SIK3: variants seen among roughly 807,000 people sequenced by gnomAD.
SIK3 encodes serine/threonine-protein kinase SIK3.
Under a neutral mutation model 144.2 loss-of-function variants are expected in SIK3, and 28 were observed. The ratio of observed to expected loss-of-function variants is 0.19; its 90% confidence interval spans 0.14 to 0.27. The LOEUF is 0.27. Among genes scored for constraint, SIK3 ranks in the 10% least tolerant of loss-of-function variants. The pLI, the probability that SIK3 is intolerant of heterozygous loss-of-function variation, is 1.00. For missense variants in SIK3, 1,319 were observed against 1,776.0 expected (o/e 0.74, Z 4.62); for synonymous variants, 686 against 676.3 (o/e 1.01, Z -0.22).
chr11:116,934,155 A>G (rs1848416278), intron 3 of SIK3, among the ~76,000 whole-genome samples: 1 of 152,194 alleles, frequency 6.6e-6, no homozygotes, highest in South Asian at 2.1e-4. Context: ...TTGGTGTACT[A>G]TCTGTCTTCT....
chr11:117,050,127 A>C (rs1332581362), intron 1 of SIK3, among the ~76,000 whole-genome samples: 3 of 151,436 alleles, frequency 2.0e-5, no homozygotes, highest in African/African-American at 7.3e-5. Context: ...TTGTCTCTTC[A>C]AAAGTACAAA....
intron 4 of SIK3, among the ~76,000 whole-genome samples, chr11:116,918,463 T>C (rs1946786990): frequency 6.6e-6 from 1 of 152,060 alleles, no homozygotes; most frequent in South Asian, 2.1e-4. Context: ...CCTTTTTCTA[T>C]TCCCAACCTC....
chr11:117,062,550 A>G (rs190295507), intron 1 of SIK3, among the ~76,000 whole-genome samples: 1 of 152,336 alleles, frequency 6.6e-6, no homozygotes, highest in East Asian at 1.9e-4. Context: ...GCCTAATAGT[A>G]ACAGACAGCA....
At chr11:117,051,589 C>T (rs145838590) in intron 1 of SIK3, among the ~76,000 whole-genome samples, 2,156 of 151,924 alleles carry the variant, frequency 0.014, 17 homozygotes, top group Non-Finnish European at 0.023. Flanking sequence ...AGTGCAATGG[C>T]GCAATCTCAG....
At chr11:116,995,239 C>T (rs1950623576) in intron 1 of SIK3, among the ~76,000 whole-genome samples, 1 of 148,526 alleles carries the variant, frequency 6.7e-6, no homozygotes, top group Non-Finnish European at 1.5e-5. Flanking sequence ...TGCACTCCAG[C>T]CTAGGCGACA....
At chr11:117,057,290 C>T (rs7124996) in intron 1 of SIK3, among the ~76,000 whole-genome samples, 56,663 of 152,008 alleles carry the variant, frequency 0.37, 12,901 homozygotes, top group African/African-American at 0.65. Flanking sequence ...TTATGTACAT[C>T]TGCACTAATT....
At chr11:117,087,936 A>G (rs1955085308) in intron 1 of SIK3, among the ~76,000 whole-genome samples, 1 of 152,232 alleles carries the variant, frequency 6.6e-6, no homozygotes, top group Non-Finnish European at 1.5e-5. Flanking sequence ...ATGGTAAAGT[A>G]AAACTGATGT....
chr11:117,037,565 T>C (rs1952563430), intron 1 of SIK3, among the ~76,000 whole-genome samples: 1 of 152,090 alleles, frequency 6.6e-6, no homozygotes, highest in South Asian at 2.1e-4. Context: ...GGAATAGGTG[T>C]TAGTACTGAG....
intron 11 of SIK3, 62 bp downstream of exon 11, chr11:116,875,096 C>G: frequency 1.5e-6 from 2 of 1,350,990 alleles, no homozygotes; most frequent in South Asian, 2.4e-5. Context: ...ATGGTAGACA[C>G]TGAAAGTCAG....
At chr11:116,897,086 A>C in intron 5 of SIK3, 107 bp downstream of exon 5, 1 of 1,156,776 alleles carries the variant, frequency 8.6e-7, no homozygotes, top group Non-Finnish European at 1.2e-6. Context: ...ACAGGTGACC[A>C]GGATCTCAAT....
intron 1 of SIK3, among the ~76,000 whole-genome samples, chr11:116,977,537 T>C (rs1216959835): frequency 5.9e-5 from 9 of 152,228 alleles, no homozygotes; most frequent in Admixed American, 2.6e-4. Flanking sequence ...CAGGTCTGTG[T>C]GTAATTATTG....
At chr11:117,086,991 T>A (rs1955043234) in intron 1 of SIK3, among the ~76,000 whole-genome samples, 3 of 121,714 alleles carry the variant, frequency 2.5e-5, no homozygotes, top group East Asian at 2.5e-4. Context: ...CGAGACTCCA[T>A]CTCAAAAAAA....
intron 1 of SIK3, among the ~76,000 whole-genome samples, chr11:117,092,183 C>T (rs1056233338): frequency 6.6e-6 from 1 of 152,090 alleles, no homozygotes; most frequent in African/African-American, 2.4e-5. Flanking sequence ...GGCCATAAGA[C>T]CCAGATGATC....
At chr11:117,016,978 C>G (rs1255647308) in intron 1 of SIK3, among the ~76,000 whole-genome samples, 2 of 152,132 alleles carry the variant, frequency 1.3e-5, no homozygotes, top group African/African-American at 4.8e-5. Flanking sequence ...AAATATAAAA[C>G]AGGATGTAAG....
intron 1 of SIK3, among the ~76,000 whole-genome samples, chr11:117,024,191 T>C (rs1462604432): frequency 6.6e-6 from 1 of 152,094 alleles, no homozygotes; most frequent in Non-Finnish European, 1.5e-5. Flanking sequence ...TCTCTGTGAT[T>C]TTCCTCCATA....
chr11:117,003,642 T>C (rs12278943), intron 1 of SIK3, among the ~76,000 whole-genome samples: 11,078 of 152,172 alleles, frequency 0.073, 497 homozygotes, highest in Middle Eastern at 0.11. Flanking sequence ...TAAATATATA[T>C]ATTTATTCAA....
At chr11:117,003,542 G>A (rs1950934039) in intron 1 of SIK3, among the ~76,000 whole-genome samples, 1 of 152,098 alleles carries the variant, frequency 6.6e-6, no homozygotes, top group African/African-American at 2.4e-5. Flanking sequence ...TGTAATCCTA[G>A]CACTTTGACG....
chr11:116,921,976 C>T (rs1345835107), intron 4 of SIK3, among the ~76,000 whole-genome samples: 7 of 151,660 alleles, frequency 4.6e-5, no homozygotes, highest in African/African-American at 1.7e-4. Context: ...TAGACTCAAA[C>T]TCCTAAGTCC....
At chr11:117,010,366 G>A (rs1951204631) in intron 1 of SIK3, among the ~76,000 whole-genome samples, 1 of 152,122 alleles carries the variant, frequency 6.6e-6, no homozygotes, top group Non-Finnish European at 1.5e-5. Flanking sequence ...CCCAGTCCTG[G>A]AATAAAAGCT....
Sources: gnomAD v4.1 joint callset for allele counts (sites outside exome capture counted in the v4.1 genomes callset) on GRCh38, gnomAD v4.1.1 for gene constraint, MANE v1.5 for transcripts, NCBI Gene and HGNC (gene_info 2026-07-23, HGNC 2026-07-21) for gene names.